The following OXNAD1 variants were observed in gnomAD, a reference collection of about 807,000 sequenced individuals.
The protein encoded by OXNAD1 is oxidoreductase NAD-binding domain-containing protein 1.
A neutral mutation model predicts 32.9 loss-of-function variants in OXNAD1; 34 were observed. The ratio of observed to expected loss-of-function variants is 1.03; its 90% CI spans 0.79 to 1.38. The LOEUF is 1.38. Among genes scored for constraint, OXNAD1 ranks in the 40% most tolerant of loss-of-function variants. The pLI, the probability that OXNAD1 is intolerant of heterozygous loss-of-function variation, is 0.00. For missense variants in OXNAD1, 407 were observed against 379.4 expected, an observed-to-expected ratio of 1.07 and a Z score of -0.60; for synonymous variants, 134 against 135.2, an observed-to-expected ratio of 0.99 and a Z score of 0.06.
At chr3:16,331,724 G>C (rs1457940442) in intron 9 of OXNAD1, among the ~76,000 whole-genome samples, 1 of 152,156 alleles carries the variant, frequency 6.6e-6, no homozygotes, top group Non-Finnish European at 1.5e-5. Flanking sequence ...TCATGCCTGG[G>C]TTCTTCGTAA....
chr3:16,306,117 TTTC>T (rs1342424754), downstream of OXNAD1: 1 of 152,220 alleles, frequency 6.6e-6, no homozygotes, highest in Non-Finnish European at 1.5e-5. Flanking sequence ...TGAAAAAATG[TTTC>T]TTCTTTTGAC....
In OXNAD1 at chr3:16,327,872, C is replaced by G. The variant is rs564448640; in HGVS notation, c.*31-9240C>G. Among the ~76,000 whole-genome samples, 15 of 152,224 alleles carry G rather than the reference C, an allele frequency of 9.9e-5. No homozygotes were observed. Among genetic ancestry groups the G allele is most frequent in the Non-Finnish European group, 2.1e-4 (14 of 68,036 alleles). Reference sequence around the variant, plus strand: ...ACCTCTGCAGGCGTTCTCACTGCAACAGGCCTCATTTCTTACTACGGGTTC... The same window carrying G: ...ACCTCTGCAGGCGTTCTCACTGCAAGAGGCCTCATTTCTTACTACGGGTTC... On this transcript the variant is annotated intron_variant, in intron 9 of 9. Coordinates refer to the OXNAD1 transcript ENST00000435829. The surrounding 1 kb of genome is among the most constrained non-coding windows in gnomAD (Gnocchi z 4.2).
chr3:16,351,333 G>C (rs1429587010), downstream of OXNAD1, among the ~76,000 whole-genome samples: 1 of 152,220 alleles, frequency 6.6e-6, no homozygotes, highest in African/African-American at 2.4e-5. This position sits in a 1 kb window ranked among gnomAD's most constrained non-coding sequence, Gnocchi z 5.4. Context: ...CTTCAGGGAA[G>C]CCAAGGCTGG....
downstream of OXNAD1, among the ~76,000 whole-genome samples, chr3:16,307,909 T>C (rs896902301): frequency 2.7e-5 from 4 of 146,642 alleles, no homozygotes; most frequent in African/African-American, 9.8e-5. Context: ...AAGCACAGTT[T>C]GTTCTGTTTT....
exon 10 of OXNAD1, chr3:16,350,172 C>T (rs2071995415): frequency 6.6e-6 from 1 of 152,216 alleles, no homozygotes; most frequent in African/African-American, 2.4e-5. Flanking sequence ...TTTAACATTT[C>T]CTGTAATTCC....
At position 16,345,776 on chromosome 3, in the gene OXNAD1, T is replaced by C. The variant is rs890215748; in HGVS notation, c.*31-3400T>C. On this transcript the variant is annotated intron_variant, in intron 9 of 9. Coordinates refer to the OXNAD1 transcript ENST00000606098. The surrounding 1 kb of genome is among the most constrained non-coding windows in gnomAD (Gnocchi z 5.2). ...TCCATAATCACATGAGCCAAAACCT[T>C]ATAATAAATCTCTGTGTGTGTGTGT... Among the ~76,000 whole-genome samples the C allele has an allele frequency of 1.6e-4, 23 of 139,908 alleles. No homozygotes were observed. Among genetic ancestry groups the C allele is most frequent in the Non-Finnish European group, 3.0e-4 (19 of 63,540 alleles). The allele number at this position is 139,908 out of a possible 152,430, so 91.8% of individuals were successfully genotyped here. A position where few individuals can be genotyped will look rare whatever the true frequency, so the allele number is the denominator to read the frequency against.
At chr3:16,268,346 T>G (rs946659409) in intron 1 of OXNAD1, among the ~76,000 whole-genome samples, 6 of 104,484 alleles carry the variant, frequency 5.7e-5, no homozygotes, top group Admixed American at 1.1e-4. Context: ...TTTTTTTTTT[T>G]GAGACTGAGT....
At chr3:16,310,411 T>C (rs990768531), downstream of OXNAD1, among the ~76,000 whole-genome samples, 2 of 152,232 alleles carry the variant, frequency 1.3e-5, no homozygotes, top group African/African-American at 2.4e-5. Flanking sequence ...AAGTGAAATA[T>C]ATTTCTTACT....
At chr3:16,324,226 C>T (rs910339354) in intron 9 of OXNAD1, among the ~76,000 whole-genome samples, 3 of 152,010 alleles carry the variant, frequency 2.0e-5, no homozygotes, top group Non-Finnish European at 1.5e-5. Flanking sequence ...ACAATGTGGA[C>T]TGATTAAATC....
rs766424272 is a variant in OXNAD1 at position 16,301,754 on chromosome 3, C to T, written c.561C>T (p.Ile187=). The T allele has an allele frequency of 1.2e-6, 2 of 1,614,026 alleles. No individual in the cohort carries two copies. Among genetic ancestry groups the T allele is most frequent in the Non-Finnish European group, 1.7e-6 (2 of 1,179,982 alleles). The change falls in exon 7 of 9, where the codon ATC becomes ATT. Residue 187 remains isoleucine (I), a synonymous_variant. Transcript: ENST00000285083. The surrounding 1 kb of genome is among the most constrained non-coding windows in gnomAD (Gnocchi z 4.1). ...TCGGAATTAACCCTCTGCTTTCCAT[C>T]CTGCGGCACGCAGCAGATCTCCTCA... ...GGVGINPLLS[I]LRHAADLLRE...
intron 9 of OXNAD1, among the ~76,000 whole-genome samples, chr3:16,315,150 T>C (rs914298295): frequency 6.6e-6 from 1 of 152,228 alleles, no homozygotes; most frequent in Non-Finnish European, 1.5e-5. Context: ...GGAGTCTTGC[T>C]CTGTGCCCAG....
intron 6 of OXNAD1, among the ~76,000 whole-genome samples, chr3:16,296,080 T>C (rs2066769850): frequency 6.6e-6 from 1 of 152,194 alleles, no homozygotes; most frequent in African/African-American, 2.4e-5. Context: ...AGTTGCGTTT[T>C]GTGGCTGTAG....
intron 5 of OXNAD1, among the ~76,000 whole-genome samples, chr3:16,293,986 G>A (rs752711259): frequency 1.3e-5 from 2 of 152,140 alleles, no homozygotes; most frequent in Admixed American, 6.5e-5. Context: ...AACCAACCTT[G>A]TATTCCTGGA....
At chr3:16,281,656 C>T (rs2065747150) in intron 4 of OXNAD1, among the ~76,000 whole-genome samples, 1 of 152,262 alleles carries the variant, frequency 6.6e-6, no homozygotes, top group South Asian at 2.1e-4. Context: ...TTTCCTTCCT[C>T]ATTGAATTTT....
In OXNAD1 at chr3:16,290,489, G is replaced by A. The variant is rs148771992; in HGVS notation, c.290+4041G>A. 2.7e-3 allele frequency among the ~76,000 whole-genome samples: 410 copies of A among 152,250 alleles called. 4 individuals carry two copies. Among genetic ancestry groups the A allele is most frequent in the African/African-American group, 9.1e-3 (380 of 41,552 alleles). On this transcript the variant is annotated intron_variant, in intron 5 of 8. Coordinates refer to ENST00000285083, the MANE Select transcript of OXNAD1 (RefSeq NM_138381.5). The surrounding 1 kb of genome is among the most constrained non-coding windows in gnomAD (Gnocchi z 4.2). ...TGAGAGAATGGCCTTCATCAGCATT[G>A]AGCAGCAGAGGGCACTGTAGTTCAG... is the stretch of plus-strand genomic sequence containing the variant.
Position 16,345,263 on chromosome 3 carries a change from G to GT in OXNAD1, c.*31-3911dup, listed in dbSNP as rs562932900. 9 of 75,602 alleles carry GT rather than the reference G, an allele frequency of 1.2e-4. No homozygotes were observed. The highest frequency in any genetic ancestry group is 5.6e-4 in the African/African-American group (7 of 12,606). The allele number at this position is 75,602 out of a possible 1,614,324, so 4.7% of individuals were successfully genotyped here. A position where few individuals can be genotyped will look rare whatever the true frequency, so the allele number is the denominator to read the frequency against. ...GAAACTGTAAGATAATAAGTAGGTG[G>GT]TTGTGTGTGTGTGTGTGTGTGTGTG... is the stretch of plus-strand genomic sequence containing the variant. On this transcript the variant is annotated intron_variant, in intron 9 of 9. Coordinates refer to the OXNAD1 transcript ENST00000606098. This position sits in a 1 kb window ranked among gnomAD's most constrained non-coding sequence, Gnocchi z 5.2.
At chr3:16,324,439 G>A (rs952391849) in intron 9 of OXNAD1, among the ~76,000 whole-genome samples, 18 of 152,038 alleles carry the variant, frequency 1.2e-4, no homozygotes, top group Non-Finnish European at 2.4e-4. Flanking sequence ...TTGCCCATCC[G>A]CCCCACTCCC....
chr3:16,266,923 A>C (rs955539034), intron 1 of OXNAD1, among the ~76,000 whole-genome samples: 1 of 152,236 alleles, frequency 6.6e-6, no homozygotes, highest in Admixed American at 6.5e-5. Context: ...ACCTGAGCCC[A>C]GTTCCGCTGA....
At position 16,271,807 on chromosome 3, in the gene OXNAD1, G is replaced by T; in HGVS notation, c.183+85G>T. The T allele has an allele frequency of 8.5e-7, 1 of 1,170,618 alleles. No homozygotes were observed. The highest frequency in any genetic ancestry group is 1.5e-5 in the South Asian group (1 of 67,892). 72.5% of individuals were successfully genotyped at this position (1,170,618 alleles called of 1,614,324 possible). The stretch of plus-strand genomic sequence containing the variant: ...CTGGCTTATGGGTAAAGCATTAGAT[G>T]AGTCTGGTCCTTTTGAAGGAGAGTT... On this transcript the variant is annotated intron_variant, in intron 4 of 8. Coordinates refer to ENST00000285083, the MANE Select transcript of OXNAD1 (RefSeq NM_138381.5). The surrounding 1 kb of genome is among the most constrained non-coding windows in gnomAD (Gnocchi z 4.6).
Sources: gnomAD v4.1 joint callset for allele counts (sites outside exome capture counted in the v4.1 genomes callset) on GRCh38, gnomAD v4.1.1 for gene constraint, Gnocchi (gnomAD v3.1) non-coding constraint, MANE v1.5 for transcripts, NCBI Gene and HGNC (gene_info 2026-07-23, HGNC 2026-07-21) for gene names.